The following DLG2 variants were observed in gnomAD, a reference collection of about 807,000 sequenced individuals.
DLG2 encodes disks large homolog 2.
In DLG2, 45 loss-of-function variants were observed where a neutral mutation model predicts 132.5. The observed-to-expected ratio is 0.34, with a 90% CI of 0.27 to 0.44. DLG2 has a LOEUF of 0.44. Ranked by LOEUF, DLG2 falls within the 20% of genes least tolerant of loss-of-function variation. DLG2 has a pLI of 1.00. For missense variants in DLG2, 1,045 were observed against 1,196.9 expected, an observed-to-expected ratio of 0.87 and a Z score of 1.87; for synonymous variants, 424 against 419.6, an observed-to-expected ratio of 1.01 and a Z score of -0.13.
intron 6 of DLG2, among the ~76,000 whole-genome samples, chr11:84,999,545 A>G (rs111452925): frequency 4.5e-4 from 69 of 152,302 alleles, no homozygotes; most frequent in Middle Eastern, 6.8e-3. Flanking sequence ...CTACCAAATG[A>G]TAAGTGAAAA....
intron 6 of DLG2, among the ~76,000 whole-genome samples, chr11:84,588,732 C>T (rs1565383785): frequency 6.6e-6 from 1 of 151,548 alleles, no homozygotes; most frequent in East Asian, 1.9e-4. Flanking sequence ...AATAAAGAAG[C>T]CGGCCAAAAC....
At chr11:83,520,473 G>A (rs1388323065) in intron 21 of DLG2, among the ~76,000 whole-genome samples, 1 of 152,160 alleles carries the variant, frequency 6.6e-6, no homozygotes, top group Non-Finnish European at 1.5e-5. Flanking sequence ...ATAATCCTTA[G>A]TCATGATATA....
At chr11:84,597,377 G>C (rs2099564179) in intron 6 of DLG2, among the ~76,000 whole-genome samples, 1 of 152,132 alleles carries the variant, frequency 6.6e-6, no homozygotes, top group Admixed American at 6.5e-5. Context: ...ATTATTATTA[G>C]ACAGACTATT....
At chr11:84,963,782 C>A (rs2052930931) in intron 6 of DLG2, among the ~76,000 whole-genome samples, 1 of 152,104 alleles carries the variant, frequency 6.6e-6, no homozygotes, top group African/African-American at 2.4e-5. Flanking sequence ...ATCTTTCCTA[C>A]ATCTGAGTTG....
intron 19 of DLG2, among the ~76,000 whole-genome samples, chr11:83,610,548 G>GTT (rs35092414): frequency 0.46 from 70,193 of 151,450 alleles, 16,658 homozygotes; most frequent in Admixed American, 0.57. Context: ...CTATCGAACA[G>GTT]ACAGGGTAAC....
chr11:83,832,849 T>C (rs1308805475), intron 17 of DLG2, among the ~76,000 whole-genome samples: 2 of 152,188 alleles, frequency 1.3e-5, no homozygotes, highest in East Asian at 3.8e-4. Context: ...TGCTACAACT[T>C]AGTACCATCA....
chr11:83,999,802 C>T (rs771606901), intron 11 of DLG2, among the ~76,000 whole-genome samples: 1 of 151,882 alleles, frequency 6.6e-6, no homozygotes, highest in Non-Finnish European at 1.5e-5. Context: ...CATTATTGCA[C>T]ACAACAAGAA....
At chr11:83,754,347 G>A (rs1382494933) in intron 18 of DLG2, among the ~76,000 whole-genome samples, 1 of 151,072 alleles carries the variant, frequency 6.6e-6, no homozygotes, top group East Asian at 1.9e-4. Flanking sequence ...TGCATTAAAT[G>A]TCAAGTATAT....
chr11:85,051,486 A>ATG (rs2062883895), intron 6 of DLG2, among the ~76,000 whole-genome samples: 4 of 152,206 alleles, frequency 2.6e-5, no homozygotes, highest in African/African-American at 9.6e-5. Flanking sequence ...AGGTTTAACT[A>ATG]CGTGCCAAGC....
At chr11:85,096,213 G>A (rs937320930) in intron 6 of DLG2, among the ~76,000 whole-genome samples, 4 of 152,140 alleles carry the variant, frequency 2.6e-5, no homozygotes, top group South Asian at 2.1e-4. Context: ...GGCCACCCGC[G>A]CCAGCAGTGG....
intron 14 of DLG2, among the ~76,000 whole-genome samples, chr11:83,934,550 G>A (rs1269233860): frequency 6.6e-6 from 1 of 152,028 alleles, no homozygotes; most frequent in Non-Finnish European, 1.5e-5. Context: ...TAATGACTGT[G>A]ATTGTAAATA....
chr11:85,165,446 A>G (rs1209024435), intron 4 of DLG2, among the ~76,000 whole-genome samples: 1 of 152,182 alleles, frequency 6.6e-6, no homozygotes, highest in Non-Finnish European at 1.5e-5. Flanking sequence ...AGAGATTCAC[A>G]GCAACCCATT....
chr11:84,511,746 C>T (rs558783885), intron 7 of DLG2, among the ~76,000 whole-genome samples: 2 of 152,062 alleles, frequency 1.3e-5, no homozygotes, highest in Non-Finnish European at 2.9e-5. Context: ...TATACTCTGC[C>T]TCAGTGCTTT....
intron 7 of DLG2, among the ~76,000 whole-genome samples, chr11:84,299,142 T>C (rs951368739): frequency 6.6e-6 from 1 of 152,282 alleles, no homozygotes; most frequent in Non-Finnish European, 1.5e-5. Flanking sequence ...GAGAACTGCT[T>C]AAAACATGTT....
chr11:85,457,144 T>A (rs2092448466), intron 3 of DLG2, among the ~76,000 whole-genome samples: 1 of 151,998 alleles, frequency 6.6e-6, no homozygotes, highest in African/African-American at 2.4e-5. Context: ...AGTCTTCCAG[T>A]TGAATTAAAA....
chr11:85,598,423 C>T (rs527979243), intron 3 of DLG2, among the ~76,000 whole-genome samples: 1 of 152,174 alleles, frequency 6.6e-6, no homozygotes, highest in Admixed American at 6.5e-5. Context: ...ATATTTATAT[C>T]TTTCAATAAC....
chr11:83,580,746 T>C (rs1395385382), intron 19 of DLG2, among the ~76,000 whole-genome samples: 1 of 151,984 alleles, frequency 6.6e-6, no homozygotes, highest in Non-Finnish European at 1.5e-5. Flanking sequence ...CACCCTGGTT[T>C]CTGTGGGAGA....
intron 3 of DLG2, among the ~76,000 whole-genome samples, chr11:85,581,513 G>C (rs990414405): frequency 1.3e-5 from 2 of 152,098 alleles, no homozygotes; most frequent in Admixed American, 6.5e-5. Flanking sequence ...AGCTACTCGG[G>C]AGGCTGAGGC....
chr11:84,223,989 A>G (rs917581921), intron 8 of DLG2, among the ~76,000 whole-genome samples: 2 of 152,166 alleles, frequency 1.3e-5, no homozygotes, highest in Admixed American at 1.3e-4. Context: ...CTTTCCACTC[A>G]AGGGTGAGGG....
Sources: gnomAD v4.1 joint callset for allele counts (sites outside exome capture counted in the v4.1 genomes callset) on GRCh38, gnomAD v4.1.1 for gene constraint, MANE v1.5 for transcripts, NCBI Gene and HGNC (gene_info 2026-07-23, HGNC 2026-07-21) for gene names.